GRIK3: variants seen among roughly 807,000 people sequenced by gnomAD.
GRIK3 encodes glutamate ionotropic receptor kainate type subunit 3.
Under a neutral mutation model 102.5 loss-of-function variants are expected in GRIK3, and 29 were observed. The ratio of observed to expected loss-of-function variants is 0.28; its 90% confidence interval spans 0.21 to 0.39. The LOEUF (loss-of-function observed/expected upper bound fraction) is 0.39, where lower values mean the gene tolerates loss of function less well. Among genes scored for constraint, GRIK3 ranks in the 10% least tolerant of loss-of-function variants. GRIK3 has a pLI of 1.00. For synonymous variants in GRIK3, 511 were observed against 504.9 expected, an observed-to-expected ratio of 1.01 and a Z score of -0.16; for missense variants, 908 against 1,252.4, an observed-to-expected ratio of 0.73 and a Z score of 4.15.
rs781220176 is a variant in GRIK3, at chr1:36,872,586, T to A, written c.551-217A>T. Reference sequence around the variant, plus strand: ...AAACACATGGCTACACGCACGTGCATGTCAATATGGGCAGGAATACACTTG... The same window carrying A: ...AAACACATGGCTACACGCACGTGCAAGTCAATATGGGCAGGAATACACTTG... On this transcript the variant is annotated intron_variant, in intron 3 of 15. Coordinates refer to ENST00000373091, the MANE Select transcript of GRIK3 (RefSeq NM_000831.4). This position sits in a 1 kb window ranked among gnomAD's most constrained non-coding sequence, Gnocchi z 5.9. Among the ~76,000 whole-genome samples, 8 of 152,278 alleles carry A rather than the reference T, an allele frequency of 5.3e-5. No homozygotes were observed. Among genetic ancestry groups the A allele is most frequent in the Non-Finnish European group, 1.0e-4 (7 of 68,018 alleles).
At chr1:37,030,652 C>T (rs1285691521) in intron 1 of GRIK3, among the ~76,000 whole-genome samples, 1 of 151,346 alleles carries the variant, frequency 6.6e-6, no homozygotes, top group Non-Finnish European at 1.5e-5. Context: ...CCTCAACACA[C>T]AGAAGAGCTG....
chr1:36,871,552 G>A (rs969681891), intron 4 of GRIK3, among the ~76,000 whole-genome samples: 3 of 152,204 alleles, frequency 2.0e-5, no homozygotes, highest in African/African-American at 7.2e-5. Flanking sequence ...GGTGGTAGGC[G>A]ATTTCACTGT....
chr1:36,857,011 C>T (rs768294681), intron 7 of GRIK3, among the ~76,000 whole-genome samples: 1 of 152,202 alleles, frequency 6.6e-6, no homozygotes, highest in Admixed American at 6.5e-5. Flanking sequence ...TAGTGCGACA[C>T]ACGTGCCAAA....
rs1213719954 is a variant in GRIK3 at position 36,859,904 on chromosome 1, G to A, written c.900C>T (p.Ser300=). 2 of 1,613,796 alleles carry A rather than the reference G, an allele frequency of 1.2e-6. No homozygotes were observed. Among genetic ancestry groups the A allele is most frequent in the African/African-American group, 1.3e-5 (1 of 74,922 alleles). ...PHVSAIVEKW[S]MERLQAAPRS... The stretch of plus-strand genomic sequence containing the variant: ...GGGGAGCTGCCTGCAGCCGCTCCAT[G>A]GACCACTTCTCCACAATGGCCGAGA... Residue 300 remains serine, a synonymous_variant, in exon 6 of 16, where the codon TCC becomes TCT. Coordinates refer to ENST00000373091, the MANE Select transcript of GRIK3 (RefSeq NM_000831.4).
chr1:36,897,738 C>T (rs1207142030), intron 1 of GRIK3, among the ~76,000 whole-genome samples: 1 of 152,070 alleles, frequency 6.6e-6, no homozygotes, highest in African/African-American at 2.4e-5. Flanking sequence ...TTTGGAGGTT[C>T]CTCAAAAAAC....
rs1003812168 is a variant in GRIK3, at chr1:36,806,683, G to A, written c.2092-357C>T. ...CTAAGTGCTCTACCTGCATTAACTC[G>A]TTGATTCTTCACAGCGCTCACAGGA... On this transcript the variant is annotated intron_variant, in intron 13 of 15. Transcript: ENST00000373091. This position sits in a 1 kb window ranked among gnomAD's most constrained non-coding sequence, Gnocchi z 4.0. Among the ~76,000 whole-genome samples, 9 of 152,138 alleles carry A rather than the reference G, an allele frequency of 5.9e-5. No individual in the cohort carries two copies. The highest frequency in any genetic ancestry group is 3.3e-4 in the Admixed American group (5 of 15,272).
In GRIK3 at chr1:36,907,806, C is replaced by T. The variant is rs145135057; in HGVS notation, c.116-16710G>A. ...CATCCAAGCAGCAAATATTGAGGGGCACCACAGAGGTTCAGAGAGTGGGTT... is the reference window on the plus strand; with the variant it reads ...CATCCAAGCAGCAAATATTGAGGGGTACCACAGAGGTTCAGAGAGTGGGTT... On this transcript the variant is annotated intron_variant, in intron 1 of 15. Coordinates refer to ENST00000373091, the MANE Select transcript of GRIK3 (RefSeq NM_000831.4). 4.0e-4 allele frequency among the ~76,000 whole-genome samples: 61 copies of T among 152,160 alleles called. 1 individual carries two copies. Among genetic ancestry groups the T allele is most frequent in the African/African-American group, 1.4e-3 (58 of 41,506 alleles).
intron 12 of GRIK3, among the ~76,000 whole-genome samples, chr1:36,818,114 TATG>T (rs536518203): frequency 6.6e-6 from 1 of 152,306 alleles, no homozygotes; most frequent in African/African-American, 2.4e-5. Context: ...TCTGCTTTGA[TATG>T]ATGTTTTTTT....
chr1:36,928,682 A>G (rs1641555982), intron 1 of GRIK3, among the ~76,000 whole-genome samples: 2 of 152,262 alleles, frequency 1.3e-5, no homozygotes, highest in African/African-American at 2.4e-5. Flanking sequence ...CCACAATCCA[A>G]GAATCCAGCC....
At chr1:36,936,200 C>T (rs529639502) in intron 1 of GRIK3, among the ~76,000 whole-genome samples, 12 of 152,234 alleles carry the variant, frequency 7.9e-5, no homozygotes, top group South Asian at 2.1e-4. Context: ...GAAGAAAATA[C>T]AAAAATATGC....
chr1:36,836,081 T>TG (rs891635549), intron 10 of GRIK3, among the ~76,000 whole-genome samples: 1 of 152,314 alleles, frequency 6.6e-6, no homozygotes, highest in Non-Finnish European at 1.5e-5. Flanking sequence ...TGACTTGCCC[T>TG]GGGGGAGCTC....
At chr1:36,984,444 C>A (rs1206500555) in intron 1 of GRIK3, among the ~76,000 whole-genome samples, 1 of 152,228 alleles carries the variant, frequency 6.6e-6, no homozygotes, top group African/African-American at 2.4e-5. Context: ...GGCACCTGGC[C>A]CCAGAAAGTG....
At chr1:37,004,445 G>C (rs1055002605) in intron 1 of GRIK3, among the ~76,000 whole-genome samples, 4 of 152,178 alleles carry the variant, frequency 2.6e-5, no homozygotes, top group Non-Finnish European at 5.9e-5. Context: ...ATTGAGCTTC[G>C]GGTTGTGGAG....
chr1:36,799,112 T>C lies in GRIK3; in HGVS notation c.*2739A>G, dbSNP rs1279376428. ...ACAGCAAATTGGCAAATACCTTCAT[T>C]AGAATCCTGTTACCTGGGAATTACA... On this transcript the variant is annotated 3_prime_UTR_variant, in exon 16 of 16. Transcript: ENST00000373091. 1 of 152,194 alleles carries C rather than the reference T, an allele frequency of 6.6e-6. No homozygotes were observed. The highest frequency in any genetic ancestry group is 1.5e-5 in the Non-Finnish European group (1 of 68,024). The allele number at this position is 152,194 out of a possible 1,614,324, so 9.4% of individuals were successfully genotyped here.
intron 2 of GRIK3, among the ~76,000 whole-genome samples, chr1:36,888,078 A>C (rs1641061970): frequency 1.3e-5 from 2 of 152,128 alleles, no homozygotes; most frequent in Non-Finnish European, 2.9e-5. Context: ...CATGTGCATC[A>C]CAAGACATCT....
chr1:36,978,964 G>C (rs1262735543), intron 1 of GRIK3, among the ~76,000 whole-genome samples: 2 of 152,216 alleles, frequency 1.3e-5, no homozygotes, highest in East Asian at 3.8e-4. Context: ...AAGAACTGCA[G>C]ACATTTACCA....
intron 6 of GRIK3, 105 bp from the exon 7 acceptor site, chr1:36,859,356 T>C (rs1570764775): frequency 1.6e-6 from 2 of 1,288,230 alleles, no homozygotes; most frequent in Non-Finnish European, 1.1e-6. Flanking sequence ...CATGATGTCC[T>C]GGTGAGCGAA....
intron 2 of GRIK3, among the ~76,000 whole-genome samples, chr1:36,889,495 C>A (rs1246023343): frequency 6.6e-6 from 1 of 151,980 alleles, no homozygotes; most frequent in African/African-American, 2.4e-5. Flanking sequence ...ATGAGATGTT[C>A]CATCCAAGAA....
At chr1:36,929,421 C>T (rs1453046213) in intron 1 of GRIK3, among the ~76,000 whole-genome samples, 2 of 152,148 alleles carry the variant, frequency 1.3e-5, no homozygotes, top group Non-Finnish European at 1.5e-5. Context: ...TTAACAAGCA[C>T]ATAAGATTAT....
Sources: allele counts gnomAD v4.1 joint callset (sites outside exome capture counted in the v4.1 genomes callset), GRCh38; gene constraint gnomAD v4.1.1; non-coding constraint Gnocchi (gnomAD v3.1); transcripts MANE v1.5; gene names NCBI Gene and HGNC (gene_info 2026-07-23, HGNC 2026-07-21).